Variants in KPNA1 observed in about 807,000 individuals in gnomAD.
KPNA1 encodes karyopherin subunit alpha 1.
Under a neutral mutation model 70.5 loss-of-function variants are expected in KPNA1, and 10 were observed. The ratio of observed to expected loss-of-function variants is 0.14; its 90% CI spans 0.09 to 0.24. The LOEUF is 0.24. Among genes scored for constraint, KPNA1 ranks in the 10% least tolerant of loss-of-function variants. The pLI is 1.00. For synonymous variants in KPNA1, 192 were observed against 221.9 expected, an observed-to-expected ratio of 0.87 and a Z score of 1.20; for missense variants, 397 against 637.9, an observed-to-expected ratio of 0.62 and a Z score of 4.07.
At position 122,425,204 on chromosome 3, in the gene KPNA1, T is replaced by C. The variant is rs2075806350; in HGVS notation, c.*1781A>G. ...TCCTTTGTCTTTGACTCTTTCTAGT[T>C]TGAATGAAGTGGATTTTTTAAAAGT... On this transcript the variant is annotated 3_prime_UTR_variant, in exon 14 of 14. Coordinates refer to ENST00000344337, the MANE Select transcript of KPNA1 (RefSeq NM_002264.4). The C allele has an allele frequency of 6.5e-6, 1 of 152,678 alleles. No homozygotes were observed. The highest frequency in any genetic ancestry group is 1.5e-5 in the Non-Finnish European group (1 of 68,050). The allele number at this position is 152,678 out of a possible 1,614,324, so 9.5% of individuals were successfully genotyped here. A position where few individuals can be genotyped will look rare whatever the true frequency, so the allele number is the denominator to read the frequency against.
intron 9 of KPNA1, among the ~76,000 whole-genome samples, chr3:122,445,915 G>C (rs151198918): frequency 0.015 from 2,291 of 152,148 alleles, 29 homozygotes; most frequent in Middle Eastern, 0.051. Context: ...AAGATCAAAA[G>C]AGACAAAGAA....
intron 4 of KPNA1, among the ~76,000 whole-genome samples, chr3:122,463,551 A>G (rs1300869641): frequency 6.6e-6 from 1 of 151,752 alleles, no homozygotes; most frequent in Non-Finnish European, 1.5e-5. Context: ...CCTGCCCACC[A>G]GTAAATGCAT....
At chr3:122,495,092 A>T (rs992595363) in intron 2 of KPNA1, among the ~76,000 whole-genome samples, 3 of 151,980 alleles carry the variant, frequency 2.0e-5, no homozygotes, top group African/African-American at 7.3e-5. Flanking sequence ...TCTACTAAAA[A>T]TACAAAAATT....
chr3:122,424,861 C>T lies in KPNA1; in HGVS notation c.*2124G>A, dbSNP rs747149860. 1.3e-5 allele frequency: 2 copies of T among 152,612 alleles called. No individual in the cohort carries two copies. Among genetic ancestry groups the T allele is most frequent in the Non-Finnish European group, 2.9e-5 (2 of 68,030 alleles). 9.5% of individuals were successfully genotyped at this position (152,612 alleles called of 1,614,324 possible). A position where few individuals can be genotyped will look rare whatever the true frequency, so the allele number is the denominator to read the frequency against. ...ACAAGATTTTTACTATGAATCAGTGCTTCTATTATCCTTCTGAAAGAAGTT... is the reference window on the plus strand; with the variant it reads ...ACAAGATTTTTACTATGAATCAGTGTTTCTATTATCCTTCTGAAAGAAGTT... On this transcript the variant is annotated 3_prime_UTR_variant, in exon 14 of 14. Transcript: ENST00000344337.
intron 1 of KPNA1, among the ~76,000 whole-genome samples, chr3:122,512,504 G>C (rs939873538): frequency 6.6e-6 from 1 of 152,302 alleles, no homozygotes; most frequent in South Asian, 2.1e-4. Context: ...GGCGGATTGC[G>C]TGAGCTCAGG....
chr3:122,468,035 A>G (rs367861459), intron 2 of KPNA1, among the ~76,000 whole-genome samples: 10 of 152,214 alleles, frequency 6.6e-5, no homozygotes, highest in East Asian at 5.8e-4. Flanking sequence ...TGGGCAGCAC[A>G]TTTATTCATC....
chr3:122,456,848 CAA>C (rs1477340654), intron 5 of KPNA1, among the ~76,000 whole-genome samples: 2 of 152,108 alleles, frequency 1.3e-5, no homozygotes, highest in Non-Finnish European at 2.9e-5. Flanking sequence ...GTAACTGTAA[CAA>C]GAGGACCACT....
chr3:122,480,632 G>A (rs2076560455), intron 2 of KPNA1, among the ~76,000 whole-genome samples: 2 of 151,428 alleles, frequency 1.3e-5, no homozygotes, highest in African/African-American at 2.4e-5. Context: ...ATCGGAAACA[G>A]TAATAATGTG....
intron 9 of KPNA1, among the ~76,000 whole-genome samples, chr3:122,442,534 A>G (rs1362526235): frequency 6.6e-6 from 1 of 152,226 alleles, no homozygotes; most frequent in Non-Finnish European, 1.5e-5. Context: ...TGACACATCA[A>G]CAGCTGAACT....
chr3:122,502,205 T>C (rs2076836765), intron 1 of KPNA1, among the ~76,000 whole-genome samples: 1 of 152,174 alleles, frequency 6.6e-6, no homozygotes, highest in Admixed American at 6.5e-5. Flanking sequence ...AAGATAGAGC[T>C]AGGATATGAA....
chr3:122,510,289 C>T (rs965367087), intron 1 of KPNA1, among the ~76,000 whole-genome samples: 1 of 152,008 alleles, frequency 6.6e-6, no homozygotes, highest in Admixed American at 6.6e-5. Flanking sequence ...ACAGGGGAAC[C>T]AGTACAAAAG....
At chr3:122,500,362 T>G (rs1002650993) in intron 1 of KPNA1, among the ~76,000 whole-genome samples, 1 of 151,948 alleles carries the variant, frequency 6.6e-6, no homozygotes, top group Admixed American at 6.6e-5. Context: ...CCTCAGAAGA[T>G]CCACCCGCCT....
chr3:122,496,632 G>A, intron 1 of KPNA1, 62 bp from the exon 2 acceptor site: 1 of 1,502,418 alleles, frequency 6.7e-7, no homozygotes, highest in African/African-American at 1.4e-5. Flanking sequence ...TATTCTAAGA[G>A]CTCAGTCTTT....
intron 3 of KPNA1, among the ~76,000 whole-genome samples, chr3:122,465,771 G>A (rs1231451190): frequency 2.0e-5 from 3 of 152,168 alleles, no homozygotes; most frequent in Admixed American, 6.5e-5. Context: ...GGGTAGTGGC[G>A]CACGCCTGTA....
chr3:122,462,839 T>C (rs1420615341), intron 4 of KPNA1, among the ~76,000 whole-genome samples: 2 of 152,228 alleles, frequency 1.3e-5, no homozygotes, highest in African/African-American at 4.8e-5. Context: ...AAGTATTTAC[T>C]ACCAACGTTA....
chr3:122,493,466 T>C (rs1412434253), intron 2 of KPNA1, among the ~76,000 whole-genome samples: 3 of 151,916 alleles, frequency 2.0e-5, no homozygotes, highest in East Asian at 3.8e-4. Context: ...TAAGAGCCTA[T>C]GGAGGGATAT....
intron 2 of KPNA1, among the ~76,000 whole-genome samples, chr3:122,491,234 T>C (rs553362133): frequency 2.6e-5 from 4 of 152,356 alleles, no homozygotes; most frequent in African/African-American, 7.2e-5. Context: ...TCTATTGGTA[T>C]TGCAGTTTAT....
Position 122,442,261 on chromosome 3 carries a change from C to G in KPNA1, c.918-145G>C, listed in dbSNP as rs896215062. ...TGGGGCTAATTAAGGGAACGCTTAT[C>G]ATGATGATGGAATGTCTGGTGTTCC... is the stretch of plus-strand genomic sequence containing the variant. On this transcript the variant is annotated intron_variant, in intron 9 of 13. Transcript: ENST00000344337. 8.0e-6 allele frequency: 5 copies of G among 627,186 alleles called. No individual in the cohort carries two copies. The Admixed American group carries it at 1.4e-4, about 18-fold the overall frequency. 38.9% of individuals were successfully genotyped at this position (627,186 alleles called of 1,614,324 possible). A position where few individuals can be genotyped will look rare whatever the true frequency, so the allele number is the denominator to read the frequency against.
At chr3:122,457,643 T>A in intron 5 of KPNA1, 1 of 1,162,168 alleles carries the variant, frequency 8.6e-7, no homozygotes, top group Non-Finnish European at 1.1e-6. Flanking sequence ...ATGTTTTCTC[T>A]CTTCCCTTTC....
Sources: gnomAD v4.1 joint callset for allele counts (sites outside exome capture counted in the v4.1 genomes callset) on GRCh38, gnomAD v4.1.1 for gene constraint, MANE v1.5 for transcripts, NCBI Gene and HGNC (gene_info 2026-07-23, HGNC 2026-07-21) for gene names.